GCNT4: variants seen among roughly 807,000 people sequenced by gnomAD.
The protein encoded by GCNT4 is glucosaminyl (N-acetyl) transferase 4.
In GCNT4, 17 loss-of-function variants were observed where a neutral mutation model predicts 31.3. The ratio of observed to expected loss-of-function variants is 0.54; its 90% CI spans 0.37 to 0.81. The LOEUF is 0.81. GCNT4 is among the 40% of genes least tolerant of loss of function. The pLI, the probability that GCNT4 is intolerant of heterozygous loss-of-function variation, is 0.00. For synonymous variants in GCNT4, 158 were observed against 190.6 expected, an observed-to-expected ratio of 0.83 and a Z score of 1.41; for missense variants, 503 against 525.5, an observed-to-expected ratio of 0.96 and a Z score of 0.42.
chr5:75,029,542 G>T lies in GCNT4; in HGVS notation c.496C>A (p.Arg166Ser). 1 of 1,614,132 alleles carries T rather than the reference G, an allele frequency of 6.2e-7. No individual in the cohort carries two copies. The highest frequency in any genetic ancestry group is 8.5e-7 in the Non-Finnish European group (1 of 1,180,026). The part of the protein sequence containing the change: ...QHNIYCIHYD[R>S]KAPDTFKVAM... ...ACTTTGAAGGTATCAGGTGCCTTAC[G>T]ATCATAATGGATGCAGTAAATATTG... Residue 166 changes from arginine (R) to serine (S), a missense_variant, in exon 4 of 4, where the codon CGT becomes AGT. Arg to Ser is a moderately radical substitution (Grantham distance 110). Transcript: ENST00000652361.
intron 3 of GCNT4, among the ~76,000 whole-genome samples, chr5:75,042,158 C>T (rs903399798): frequency 1.3e-5 from 2 of 152,150 alleles, no homozygotes; most frequent in African/African-American, 4.8e-5. Flanking sequence ...TTGGGATCCC[C>T]GTCTTCTCTG....
Position 75,028,716 on chromosome 5 carries a change from T to G in GCNT4, c.1322A>C (p.Glu441Ala), listed in dbSNP as rs749974673. 6.2e-7 allele frequency: 1 copy of G among 1,613,506 alleles called. No individual in the cohort carries two copies. Among genetic ancestry groups the G allele is most frequent in the South Asian group, 1.1e-5 (1 of 90,940 alleles). Residue 441 changes from glutamate to alanine, a missense_variant, in exon 4 of 4, where the codon GAA (glutamate) becomes GCA (alanine). By Grantham distance (107) the Glu-to-Ala change is moderately radical (BLOSUM62 -1). Coordinates refer to ENST00000652361, the MANE Select transcript of GCNT4 (RefSeq NM_001366737.1). ...GAGATTTCTATCCATAAATAACTTT[T>G]CTGAGGGCAAAGTGATCCAGTCTCT... ...QQRDWITLPS[E>A]KLFMDRNLTT...
chr5:75,021,829 T>C (rs1742884111), downstream of GCNT4, among the ~76,000 whole-genome samples: 1 of 152,214 alleles, frequency 6.6e-6, no homozygotes, highest in African/African-American at 2.4e-5. Flanking sequence ...ATTGTCTACC[T>C]AGTCCGATCA....
chr5:75,018,498 T>C, the GCNT4 span, among the ~76,000 whole-genome samples: 1 of 152,250 alleles, frequency 6.6e-6, no homozygotes, highest in East Asian at 1.9e-4. Flanking sequence ...GTCAGGCTGG[T>C]CTCAAACTCC....
downstream of GCNT4, among the ~76,000 whole-genome samples, chr5:75,023,209 T>G (rs1742900897): frequency 6.6e-6 from 1 of 152,180 alleles, no homozygotes; most frequent in African/African-American, 2.4e-5. Flanking sequence ...AACACCATCT[T>G]TTATCTGCTA....
rs116322669 is a variant in GCNT4 at position 75,029,547 on chromosome 5, T to A, written c.491A>T (p.Tyr164Phe). 1.9e-6 allele frequency: 3 copies of A among 1,614,198 alleles called. No homozygotes were observed. The highest frequency in any genetic ancestry group is 2.5e-6 in the Non-Finnish European group (3 of 1,180,040). ...GAAGGTATCAGGTGCCTTACGATCA[T>A]AATGGATGCAGTAAATATTGTGCTG... is the stretch of plus-strand genomic sequence containing the variant. ...YNQHNIYCIH[Y>F]DRKAPDTFKV... The change falls in exon 4 of 4, where the codon TAT (tyrosine) becomes TTT (phenylalanine). Residue 164 changes from tyrosine to phenylalanine, a missense_variant. Transcript: ENST00000652361.
intron 3 of GCNT4, among the ~76,000 whole-genome samples, chr5:75,038,451 T>A (rs1743247714): frequency 6.6e-6 from 1 of 152,194 alleles, no homozygotes; most frequent in Non-Finnish European, 1.5e-5. Flanking sequence ...CCCCTTTACA[T>A]ATGTGTCTTG....
intron 3 of GCNT4, among the ~76,000 whole-genome samples, chr5:75,031,424 T>C (rs936129081): frequency 6.6e-6 from 1 of 152,234 alleles, no homozygotes; most frequent in African/African-American, 2.4e-5. Flanking sequence ...CTGTGGGCCA[T>C]ATTGTCTCAG....
At chr5:75,053,675 G>A (rs12515263), upstream of GCNT4, among the ~76,000 whole-genome samples, 14,753 of 151,986 alleles carry the variant, frequency 0.097, 1,095 homozygotes, top group Admixed American at 0.18. Context: ...CGCCCGGCCC[G>A]GGGTGGGAGA....
rs999775516 is a variant in GCNT4 at position 75,027,290 on chromosome 5, A to ATT, written c.*1384_*1385dup. On this transcript the variant is annotated 3_prime_UTR_variant, in exon 4 of 4. Transcript: ENST00000652361. Reference sequence around the variant, plus strand: ...ATTCATTATATGTTATATAATATATATTTATATATATATAATTATATGTAT... The same window carrying ATT: ...ATTCATTATATGTTATATAATATATATTTTTATATATATATAATTATATGTAT... The ATT allele has an allele frequency of 9.2e-6, 1 of 109,226 alleles. No homozygotes were observed. The highest frequency in any genetic ancestry group is 1.7e-5 in the Non-Finnish European group (1 of 59,526). 6.8% of individuals were successfully genotyped at this position (109,226 alleles called of 1,614,324 possible).
At chr5:75,033,681 T>TTA (rs1561374536) in intron 3 of GCNT4, among the ~76,000 whole-genome samples, 5,280 of 131,566 alleles carry the variant, frequency 0.04, 293 homozygotes, top group African/African-American at 0.14. Flanking sequence ...TTATTTTTTT[T>TTA]TTTTTACTTT....
At chr5:75,049,512 C>A (rs1050632436) in intron 2 of GCNT4, among the ~76,000 whole-genome samples, 1 of 152,256 alleles carries the variant, frequency 6.6e-6, no homozygotes, top group African/African-American at 2.4e-5. Flanking sequence ...ATTTTCTTTT[C>A]TCTTATATAC....
At chr5:75,045,629 T>C (rs1477861149) in intron 3 of GCNT4, among the ~76,000 whole-genome samples, 1 of 152,228 alleles carries the variant, frequency 6.6e-6, no homozygotes, top group African/African-American at 2.4e-5. Context: ...CTGCCTTCAC[T>C]CGTTCAAGAA....
At chr5:75,041,808 C>T (rs1447086930) in intron 3 of GCNT4, among the ~76,000 whole-genome samples, 2 of 152,172 alleles carry the variant, frequency 1.3e-5, no homozygotes, top group East Asian at 1.9e-4. Flanking sequence ...CAAAAGCTGA[C>T]TGTGTGTGTA....
At chr5:75,034,363 G>A (rs1323247716) in intron 3 of GCNT4, among the ~76,000 whole-genome samples, 2 of 152,224 alleles carry the variant, frequency 1.3e-5, no homozygotes, top group Non-Finnish European at 2.9e-5. Flanking sequence ...TGGGCTGGTA[G>A]AGGCCCCGGG....
Position 75,029,921 on chromosome 5 carries a change from C to T in GCNT4, c.117G>A (p.Pro39=), listed in dbSNP as rs147043874. ...LKLLNVRRLF[P]QKDIYLVEYS... ...ACTCAACCAAGTAAATGTCTTTTTG[C>T]GGAAAGAGTCGTCTCACATTTAGAA... Residue 39 remains proline, a synonymous_variant, in exon 4 of 4, where the codon CCG becomes CCA. Transcript: ENST00000652361. 76 of 1,613,904 alleles carry T rather than the reference C, an allele frequency of 4.7e-5. No homozygotes were observed. Among genetic ancestry groups the T allele is most frequent in the Admixed American group, 1.7e-4 (10 of 59,994 alleles).
intron 3 of GCNT4, among the ~76,000 whole-genome samples, chr5:75,046,040 C>T (rs879514867): frequency 7.9e-5 from 12 of 152,098 alleles, no homozygotes; most frequent in Non-Finnish European, 1.6e-4. Flanking sequence ...GATGTTCTTC[C>T]TTTCTGAGGA....
chr5:75,050,842 C>A (rs1743553377), intron 2 of GCNT4, among the ~76,000 whole-genome samples: 1 of 152,226 alleles, frequency 6.6e-6, no homozygotes, highest in Non-Finnish European at 1.5e-5. Context: ...TCTCAACTGC[C>A]AGGCCTCCTG....
At chr5:75,021,273 G>A (rs1742877484), downstream of GCNT4, among the ~76,000 whole-genome samples, 1 of 152,174 alleles carries the variant, frequency 6.6e-6, no homozygotes, top group Non-Finnish European at 1.5e-5. Flanking sequence ...GGGCTAGCAA[G>A]CCCACATCCT....
Sources: gnomAD v4.1 joint callset for allele counts (sites outside exome capture counted in the v4.1 genomes callset) on GRCh38, gnomAD v4.1.1 for gene constraint, MANE v1.5 for transcripts, NCBI Gene and HGNC (gene_info 2026-07-23, HGNC 2026-07-21) for gene names.